The following FOXP2 variants were observed in gnomAD, a reference collection of about 807,000 sequenced individuals.
FOXP2 encodes the protein forkhead box P2, also known as forkhead box protein P2.
A neutral mutation model predicts 115.8 loss-of-function variants in FOXP2; 12 were observed. That is an observed-to-expected ratio of 0.10 (90% CI 0.07 to 0.17). The LOEUF (loss-of-function observed/expected upper bound fraction) is 0.17, where lower values mean the gene tolerates loss of function less well. Ranked by LOEUF, FOXP2 falls within the 10% of genes least tolerant of loss-of-function variation. The pLI, the probability that FOXP2 is intolerant of heterozygous loss-of-function variation, is 1.00. For synonymous variants in FOXP2, 328 were observed against 297.7 expected (o/e 1.10, Z -1.05); for missense variants, 629 against 843.5 (o/e 0.75, Z 3.15).
At chr7:114,672,877 T>G (rs1266217284) in intron 16 of FOXP2, among the ~76,000 whole-genome samples, 1 of 152,080 alleles carries the variant, frequency 6.6e-6, no homozygotes, top group Non-Finnish European at 1.5e-5. Context: ...TAGGGCAGTT[T>G]GGTAATAGGA....
intron 2 of FOXP2, among the ~76,000 whole-genome samples, chr7:114,344,755 C>G (rs976097500): frequency 6.6e-6 from 1 of 151,732 alleles, no homozygotes; most frequent in South Asian, 2.1e-4. Context: ...TAAATGCAAA[C>G]TGTTTACATT....
chr7:114,637,689 T>C (rs933835667), intron 6 of FOXP2, among the ~76,000 whole-genome samples: 1 of 151,934 alleles, frequency 6.6e-6, no homozygotes, highest in Non-Finnish European at 1.5e-5. Flanking sequence ...AAATATATAG[T>C]GGTGAGCGCT....
intron 3 of FOXP2, among the ~76,000 whole-genome samples, chr7:114,614,344 T>A (rs1457694546): frequency 6.6e-6 from 1 of 152,208 alleles, no homozygotes; most frequent in Non-Finnish European, 1.5e-5. Context: ...TTCTACCAAC[T>A]GTAGTACGTT....
intron 2 of FOXP2, among the ~76,000 whole-genome samples, chr7:114,381,956 T>A (rs547327148): frequency 4.0e-4 from 61 of 152,292 alleles, no homozygotes; most frequent in African/African-American, 1.4e-3. Context: ...GACTTCAGGA[T>A]TAATTCCTTC....
chr7:114,284,487 T>C (rs1293312449), intron 1 of FOXP2, among the ~76,000 whole-genome samples: 1 of 152,200 alleles, frequency 6.6e-6, no homozygotes, highest in Non-Finnish European at 1.5e-5. Context: ...TTTTTATGGC[T>C]TTAGGTTTCT....
chr7:114,264,728 G>T (rs1198368629), intron 1 of FOXP2, among the ~76,000 whole-genome samples: 1 of 152,194 alleles, frequency 6.6e-6, no homozygotes, highest in Admixed American at 6.5e-5. Flanking sequence ...TCTACAGGCT[G>T]TATAACCATG....
chr7:114,428,656 A>G (rs928982660), intron 2 of FOXP2, among the ~76,000 whole-genome samples: 2 of 151,516 alleles, frequency 1.3e-5, no homozygotes, highest in Non-Finnish European at 3.0e-5. Context: ...TGTTTTAACT[A>G]TATTAATATA....
At chr7:114,675,274 G>A (rs938024941) in intron 16 of FOXP2, among the ~76,000 whole-genome samples, 6 of 151,696 alleles carry the variant, frequency 4.0e-5, no homozygotes, top group African/African-American at 1.5e-4. Context: ...TCCTAAATGA[G>A]CGTCAGTTAT....
intron 2 of FOXP2, among the ~76,000 whole-genome samples, chr7:114,337,517 T>C (rs1797882984): frequency 6.6e-6 from 1 of 151,200 alleles, no homozygotes; most frequent in Non-Finnish European, 1.5e-5. Flanking sequence ...TATAACTAAA[T>C]TTAAAACAAA....
intron 1 of FOXP2, among the ~76,000 whole-genome samples, chr7:114,263,125 A>T (rs1034424290): frequency 2.8e-4 from 43 of 152,130 alleles, no homozygotes; most frequent in Admixed American, 5.2e-4. Context: ...CTCCATTGTC[A>T]ATCCTTTTGT....
At chr7:114,237,882 C>T (rs988335651) in intron 1 of FOXP2, among the ~76,000 whole-genome samples, 1 of 151,920 alleles carries the variant, frequency 6.6e-6, no homozygotes, top group Non-Finnish European at 1.5e-5. Flanking sequence ...GACTGAGGCA[C>T]AAGAATTGCT....
rs188610470 is a variant in FOXP2, at chr7:114,372,970, T to C, written c.-10-53532T>C. Among the ~76,000 whole-genome samples the C allele has an allele frequency of 2.5e-3, 383 of 152,264 alleles. 1 individual carries two copies. The highest frequency in any genetic ancestry group is 3.2e-3 in the Admixed American group (49 of 15,290). On this transcript the variant is annotated intron_variant, in intron 2 of 17. Transcript: ENST00000634411. ...ATTTATCTGTTCATTTGTGTAATCA[T>C]ACTGGCACGAAATCATAGAATAAAA... is the stretch of plus-strand genomic sequence containing the variant.
chr7:114,566,984 AC>A (rs1468648841), intron 3 of FOXP2, among the ~76,000 whole-genome samples: 1 of 152,010 alleles, frequency 6.6e-6, no homozygotes, highest in Admixed American at 6.6e-5. Context: ...AAATATGAAC[AC>A]ACCTATATTA....
At chr7:114,120,698 A>ATG (rs111628410) in intron 1 of FOXP2, among the ~76,000 whole-genome samples, 13,774 of 149,372 alleles carry the variant, frequency 0.092, 1,083 homozygotes, top group East Asian at 0.48. Context: ...GTGTATATGT[A>ATG]TGTGTGTGTG....
chr7:114,278,930 C>T lies in FOXP2; in HGVS notation c.-101-9089C>T, dbSNP rs551202905. 2.0e-5 allele frequency among the ~76,000 whole-genome samples: 3 copies of T among 152,182 alleles called. No homozygotes were observed. In the South Asian group the frequency reaches 6.2e-4, roughly 32 times the overall value. On this transcript the variant is annotated intron_variant, in intron 1 of 17. Transcript: ENST00000634411. Reference sequence around the variant, plus strand: ...TTTTAAAGCACTGCTCAGCACACTGCCCAGCACACTGCCCAATTCAAGTTG... The same window carrying T: ...TTTTAAAGCACTGCTCAGCACACTGTCCAGCACACTGCCCAATTCAAGTTG...
chr7:114,541,011 A>C (rs1006074813), intron 3 of FOXP2, among the ~76,000 whole-genome samples: 1 of 152,112 alleles, frequency 6.6e-6, no homozygotes, highest in African/African-American at 2.4e-5. Flanking sequence ...TGGTCTGTGA[A>C]GATAGCAATG....
intron 2 of FOXP2, among the ~76,000 whole-genome samples, chr7:114,332,997 A>C (rs1458343348): frequency 2.0e-5 from 3 of 152,194 alleles, no homozygotes; most frequent in Non-Finnish European, 4.4e-5. Context: ...GATATATTTC[A>C]TGAAGAAAAA....
At chr7:114,354,689 C>G (rs915997973) in intron 2 of FOXP2, among the ~76,000 whole-genome samples, 1 of 152,002 alleles carries the variant, frequency 6.6e-6, no homozygotes, top group Non-Finnish European at 1.5e-5. Flanking sequence ...TGTTTCTTCT[C>G]CCTCCCCCTA....
chr7:114,559,080 A>G (rs1800615705), intron 3 of FOXP2, among the ~76,000 whole-genome samples: 1 of 152,186 alleles, frequency 6.6e-6, no homozygotes, highest in Non-Finnish European at 1.5e-5. Flanking sequence ...AAACATGCAT[A>G]CAAGTAAACA....
Sources: allele counts gnomAD v4.1 joint callset (sites outside exome capture counted in the v4.1 genomes callset), GRCh38; gene constraint gnomAD v4.1.1; transcripts MANE v1.5; gene names NCBI Gene and HGNC (gene_info 2026-07-23, HGNC 2026-07-21).